Variants in AUTS2 observed in about 807,000 individuals in gnomAD.
AUTS2 encodes the protein autism susceptibility gene 2 protein.
Under a neutral mutation model 112.4 loss-of-function variants are expected in AUTS2, and 17 were observed. That is an observed-to-expected ratio of 0.15 (90% CI 0.10 to 0.23). The LOEUF (loss-of-function observed/expected upper bound fraction) is 0.23. Ranked by LOEUF, AUTS2 falls within the 10% of genes least tolerant of loss-of-function variation. AUTS2 has a pLI of 1.00. For synonymous variants in AUTS2, 751 were observed against 702.7 expected (o/e 1.07, Z -1.09); for missense variants, 1,510 against 1,701.6 (o/e 0.89, Z 1.98).
rs534573518 is a variant in AUTS2, at chr7:70,211,843, G to A, written c.660+77272G>A. On this transcript the variant is annotated intron_variant, in intron 4 of 18. Transcript: ENST00000342771. The stretch of plus-strand genomic sequence containing the variant: ...CTACTAAAAATACAAAAAATTAGCG[G>A]GGCGTGATGGCGGGCGTCTGTAGTC... Among the ~76,000 whole-genome samples the A allele has an allele frequency of 3.4e-4, 52 of 151,498 alleles. No individual in the cohort carries two copies. In the South Asian group the frequency reaches 5.2e-3, roughly 15 times the overall value.
chr7:69,944,533 T>G (rs907232079), intron 2 of AUTS2, among the ~76,000 whole-genome samples: 2 of 152,204 alleles, frequency 1.3e-5, no homozygotes, highest in African/African-American at 4.8e-5. Flanking sequence ...GGGTACAGTA[T>G]CTTTGAATTT....
intron 1 of AUTS2, among the ~76,000 whole-genome samples, chr7:69,666,363 A>G (rs971140775): frequency 2.6e-5 from 4 of 152,206 alleles, no homozygotes; most frequent in African/African-American, 9.6e-5. Flanking sequence ...GTAATTCAGT[A>G]AACAATTTTA....
intron 6 of AUTS2, among the ~76,000 whole-genome samples, chr7:70,737,529 G>A (rs1787843203): frequency 6.6e-6 from 1 of 152,184 alleles, no homozygotes; most frequent in Admixed American, 6.5e-5. Flanking sequence ...TGTGATTTTA[G>A]GAGGAAGAGA....
intron 5 of AUTS2, among the ~76,000 whole-genome samples, chr7:70,507,825 T>A (rs1799026102): frequency 6.6e-6 from 1 of 151,934 alleles, no homozygotes; most frequent in Non-Finnish European, 1.5e-5. Flanking sequence ...AAAAAGTAAC[T>A]AAGACATAAA....
intron 5 of AUTS2, among the ~76,000 whole-genome samples, chr7:70,603,516 G>A (rs974740310): frequency 1.4e-5 from 2 of 147,354 alleles, no homozygotes; most frequent in East Asian, 1.9e-4. Context: ...CCTGCAGCCT[G>A]TGCTGTGCTC....
At chr7:70,625,277 T>C (rs1309231302) in intron 5 of AUTS2, among the ~76,000 whole-genome samples, 1 of 152,250 alleles carries the variant, frequency 6.6e-6, no homozygotes, top group East Asian at 1.9e-4. Flanking sequence ...AAGTGCTTGA[T>C]GCATATTCTT....
intron 5 of AUTS2, among the ~76,000 whole-genome samples, chr7:70,649,226 G>GAAGT: frequency 6.6e-6 from 1 of 150,702 alleles, no homozygotes; most frequent in African/African-American, 2.4e-5. Flanking sequence ...CTTTAGATTA[G>GAAGT]AAGTTTGAGA....
At chr7:69,800,951 C>T (rs1299901356) in intron 1 of AUTS2, among the ~76,000 whole-genome samples, 1 of 152,112 alleles carries the variant, frequency 6.6e-6, no homozygotes, top group East Asian at 1.9e-4. Context: ...ACATAAATAA[C>T]ACTTCTTTCA....
intron 5 of AUTS2, among the ~76,000 whole-genome samples, chr7:70,605,774 A>T (rs1220103220): frequency 6.6e-6 from 1 of 152,214 alleles, no homozygotes; most frequent in African/African-American, 2.4e-5. Flanking sequence ...TTTGAGGAAT[A>T]CACACAGACC....
chr7:69,784,962 C>G (rs1025978969), intron 1 of AUTS2, among the ~76,000 whole-genome samples: 2 of 151,784 alleles, frequency 1.3e-5, no homozygotes, highest in Non-Finnish European at 2.9e-5. Context: ...TATACTCTAG[C>G]CAAGGGGGTG....
intron 14 of AUTS2, among the ~76,000 whole-genome samples, chr7:70,779,714 A>C (rs1045438026): frequency 2.6e-5 from 4 of 152,156 alleles, no homozygotes; most frequent in African/African-American, 9.7e-5. Flanking sequence ...AAAGGGGCTG[A>C]GAGCATCAGA....
At chr7:69,860,166 A>G (rs1584352467) in intron 1 of AUTS2, among the ~76,000 whole-genome samples, 1 of 151,894 alleles carries the variant, frequency 6.6e-6, no homozygotes, top group African/African-American at 2.4e-5. Context: ...CTATCAGGTT[A>G]TCTATTTCTG....
intron 2 of AUTS2, among the ~76,000 whole-genome samples, chr7:70,073,650 T>C (rs932854535): frequency 6.6e-6 from 1 of 152,200 alleles, no homozygotes; most frequent in Non-Finnish European, 1.5e-5. Context: ...TGTTTCTCCA[T>C]TTATCGAATG....
chr7:69,953,989 G>C (rs1208565619), intron 2 of AUTS2, among the ~76,000 whole-genome samples: 1 of 152,136 alleles, frequency 6.6e-6, no homozygotes, highest in African/African-American at 2.4e-5. Flanking sequence ...ATTAGAGAGA[G>C]GTGGAGCCTA....
intron 1 of AUTS2, among the ~76,000 whole-genome samples, chr7:69,689,018 G>C (rs1584074869): frequency 6.6e-6 from 1 of 152,280 alleles, no homozygotes; most frequent in South Asian, 2.1e-4. Flanking sequence ...CTTTGGCACT[G>C]TCTGGGATGT....
chr7:70,459,023 T>C (rs1796859072), intron 5 of AUTS2, among the ~76,000 whole-genome samples: 1 of 152,206 alleles, frequency 6.6e-6, no homozygotes. Flanking sequence ...ATAGGATGGC[T>C]CAGGACTCTC....
chr7:70,581,798 AGGC>A (rs1802460811), intron 5 of AUTS2, among the ~76,000 whole-genome samples: 1 of 152,112 alleles, frequency 6.6e-6, no homozygotes. Context: ...ATCTTAATTC[AGGC>A]ATTTTTTTAA....
At chr7:70,184,478 A>G (rs1809494508) in intron 4 of AUTS2, among the ~76,000 whole-genome samples, 1 of 152,216 alleles carries the variant, frequency 6.6e-6, no homozygotes, top group Non-Finnish European at 1.5e-5. Flanking sequence ...ATGCAAGAAC[A>G]TGACTACTTG....
chr7:70,772,812 T>G (rs1194934421), intron 11 of AUTS2, among the ~76,000 whole-genome samples: 1 of 152,184 alleles, frequency 6.6e-6, no homozygotes, highest in Non-Finnish European at 1.5e-5. Flanking sequence ...GGAGATAAAA[T>G]GATGGTGATT....
Sources: allele counts gnomAD v4.1 joint callset (sites outside exome capture counted in the v4.1 genomes callset), GRCh38; gene constraint gnomAD v4.1.1; transcripts MANE v1.5; gene names NCBI Gene and HGNC (gene_info 2026-07-23, HGNC 2026-07-21).